The following FHIT variants were observed in gnomAD, a reference collection of about 807,000 sequenced individuals.
The protein encoded by FHIT is fragile histidine triad diadenosine triphosphatase.
A neutral mutation model predicts 17.9 loss-of-function variants in FHIT; 19 were observed. That is an observed-to-expected ratio of 1.06 (90% CI 0.74 to 1.56). The LOEUF is 1.56. Among genes scored for constraint, FHIT ranks in the 40% most tolerant of loss-of-function variants. The pLI, the probability that FHIT is intolerant of heterozygous loss-of-function variation, is 0.00. For missense variants in FHIT, 248 were observed against 189.2 expected, an observed-to-expected ratio of 1.31 and a Z score of -1.82; for synonymous variants, 81 against 69.7, an observed-to-expected ratio of 1.16 and a Z score of -0.81.
At chr3:59,780,032 A>G (rs1454688829) in intron 8 of FHIT, among the ~76,000 whole-genome samples, 2 of 152,216 alleles carry the variant, frequency 1.3e-5, no homozygotes, top group Non-Finnish European at 2.9e-5. Flanking sequence ...TAGTTCCACG[A>G]AAGTCCATTT....
intron 8 of FHIT, among the ~76,000 whole-genome samples, chr3:59,918,560 G>A (rs548900258): frequency 6.6e-6 from 1 of 152,302 alleles, no homozygotes; most frequent in South Asian, 2.1e-4. Flanking sequence ...AATAGGCAGG[G>A]AGATTAAACA....
intron 7 of FHIT, among the ~76,000 whole-genome samples, chr3:59,983,610 G>A (rs13070475): frequency 0.58 from 87,455 of 151,886 alleles, 25,982 homozygotes; most frequent in Non-Finnish European, 0.65. Context: ...TTAGGCATCC[G>A]CTGGGGTCTT....
chr3:60,891,678 T>C (rs150266394), intron 3 of FHIT, among the ~76,000 whole-genome samples: 179 of 152,310 alleles, frequency 1.2e-3, no homozygotes, highest in Non-Finnish European at 1.7e-3. Context: ...TCTCTTGCAA[T>C]CATTCTCAGA....
chr3:59,876,591 C>T (rs144598718), intron 8 of FHIT, among the ~76,000 whole-genome samples: 1 of 151,916 alleles, frequency 6.6e-6, no homozygotes, highest in African/African-American at 2.4e-5. Flanking sequence ...GGGACTCATA[C>T]CTTTGGTGGG....
At chr3:60,551,446 A>AAGAG (rs766617828) in intron 4 of FHIT, among the ~76,000 whole-genome samples, 1 of 68,940 alleles carries the variant, frequency 1.5e-5, no homozygotes, top group African/African-American at 6.1e-5. Flanking sequence ...TATAGTGAGA[A>AAGAG]AGAAAGAAAG....
intron 8 of FHIT, among the ~76,000 whole-genome samples, chr3:59,852,081 C>T (rs1701963237): frequency 6.6e-6 from 1 of 152,138 alleles, no homozygotes; most frequent in Admixed American, 6.5e-5. Context: ...CTGAAAATCA[C>T]ATATAATCAT....
Position 60,481,047 on chromosome 3 carries a change from C to T in FHIT, c.103+55813G>A, listed in dbSNP as rs181856796. On this transcript the variant is annotated intron_variant, in intron 5 of 9. Transcript: ENST00000492590. ...GGGCTCTGCCCCTGCAGTAGAATTC[C>T]GCCTGGACATCCAGGCATTTCCATA... 2.0e-3 allele frequency among the ~76,000 whole-genome samples: 304 copies of T among 152,126 alleles called. 1 individual carries two copies. Among genetic ancestry groups the T allele is most frequent in the African/African-American group, 7.0e-3 (291 of 41,410 alleles).
intron 8 of FHIT, among the ~76,000 whole-genome samples, chr3:59,891,234 C>A (rs1411496980): frequency 6.6e-6 from 1 of 152,118 alleles, no homozygotes; most frequent in Non-Finnish European, 1.5e-5. Context: ...ATATCAGGAA[C>A]CAAGGACACA....
intron 4 of FHIT, among the ~76,000 whole-genome samples, chr3:60,685,829 C>T (rs1180620874): frequency 6.6e-6 from 1 of 152,054 alleles, no homozygotes; most frequent in Non-Finnish European, 1.5e-5. Context: ...AAAAATGATG[C>T]TATAGTTTTT....
intron 4 of FHIT, among the ~76,000 whole-genome samples, chr3:60,735,074 A>C (rs575264417): frequency 3.9e-5 from 6 of 152,360 alleles, no homozygotes; most frequent in Admixed American, 2.0e-4. Flanking sequence ...GCATTTATTA[A>C]AACAAATGAT....
intron 4 of FHIT, among the ~76,000 whole-genome samples, chr3:60,627,214 T>G (rs2039313223): frequency 6.6e-6 from 1 of 152,194 alleles, no homozygotes; most frequent in Non-Finnish European, 1.5e-5. Flanking sequence ...GTGATAATTT[T>G]TGGAAGAGTT....
chr3:60,153,381 A>AG (rs1201606312), intron 5 of FHIT, among the ~76,000 whole-genome samples: 1 of 151,630 alleles, frequency 6.6e-6, no homozygotes, highest in Non-Finnish European at 1.5e-5. Context: ...AAAAAAAAAA[A>AG]AAAAAGAGGA....
At chr3:59,999,703 G>C (rs769529446) in intron 7 of FHIT, among the ~76,000 whole-genome samples, 4 of 152,056 alleles carry the variant, frequency 2.6e-5, no homozygotes, top group Non-Finnish European at 5.9e-5. Context: ...CGCCTCCCAG[G>C]TTCAAGTGAT....
At chr3:60,149,708 G>T (rs1700378136) in intron 5 of FHIT, among the ~76,000 whole-genome samples, 1 of 151,914 alleles carries the variant, frequency 6.6e-6, no homozygotes, top group African/African-American at 2.4e-5. Context: ...GGTCGCAGTA[G>T]AATTCCATCC....
intron 2 of FHIT, among the ~76,000 whole-genome samples, chr3:61,165,188 T>C (rs2037801725): frequency 6.6e-6 from 1 of 152,232 alleles, no homozygotes; most frequent in African/African-American, 2.4e-5. Flanking sequence ...ATAGTAGTCC[T>C]GTTTTAAGTT....
chr3:59,839,807 T>C (rs1319302983), intron 8 of FHIT, among the ~76,000 whole-genome samples: 1 of 152,206 alleles, frequency 6.6e-6, no homozygotes, highest in African/African-American at 2.4e-5. Context: ...AAAATAAATC[T>C]ATCAGGGCAT....
intron 2 of FHIT, among the ~76,000 whole-genome samples, chr3:61,057,519 T>C (rs1386538019): frequency 6.6e-6 from 1 of 152,166 alleles, no homozygotes; most frequent in African/African-American, 2.4e-5. Context: ...ATGAATATCT[T>C]TGGTAGGAAA....
chr3:60,748,684 C>T (rs1172055776), intron 4 of FHIT, among the ~76,000 whole-genome samples: 2 of 151,998 alleles, frequency 1.3e-5, no homozygotes, highest in Non-Finnish European at 1.5e-5. Flanking sequence ...TGGTGGCACA[C>T]GCCTGTAATC....
chr3:60,492,128 T>A (rs1279132565), intron 5 of FHIT, among the ~76,000 whole-genome samples: 2 of 152,224 alleles, frequency 1.3e-5, no homozygotes, highest in Non-Finnish European at 2.9e-5. Context: ...CTTGTTCACA[T>A]AATCTTTAAA....
Sources: allele counts gnomAD v4.1 joint callset (sites outside exome capture counted in the v4.1 genomes callset), GRCh38; gene constraint gnomAD v4.1.1; transcripts MANE v1.5; gene names NCBI Gene and HGNC (gene_info 2026-07-23, HGNC 2026-07-21).